The following IMMP2L variants were observed in gnomAD, a reference collection of about 807,000 sequenced individuals.
IMMP2L encodes inner mitochondrial membrane peptidase subunit 2.
IMMP2L carries 18 observed loss-of-function variants against 19.3 expected under a neutral mutation model. The ratio of observed to expected loss-of-function variants is 0.93; its 90% confidence interval spans 0.64 to 1.38. The LOEUF (loss-of-function observed/expected upper bound fraction) is 1.38. Ranked by LOEUF, IMMP2L falls within the 40% of genes most tolerant of loss-of-function variation. The pLI, the probability that IMMP2L is intolerant of heterozygous loss-of-function variation, is 0.00. For missense variants in IMMP2L, 233 were observed against 218.2 expected (o/e 1.07, Z -0.43); for synonymous variants, 76 against 73.0 (o/e 1.04, Z -0.21).
chr7:110,749,351 T>C (rs1385323385), intron 5 of IMMP2L, among the ~76,000 whole-genome samples: 1 of 152,154 alleles, frequency 6.6e-6, no homozygotes, highest in Non-Finnish European at 1.5e-5. Context: ...TCCTCAAGGA[T>C]CTAGAACTAG....
At chr7:111,336,147 A>C (rs1029038096) in intron 3 of IMMP2L, among the ~76,000 whole-genome samples, 1 of 151,870 alleles carries the variant, frequency 6.6e-6, no homozygotes, top group Non-Finnish European at 1.5e-5. Flanking sequence ...ACTCCCAGGA[A>C]GAAATCCTCC....
At chr7:111,352,539 T>A (rs2130900314) in intron 3 of IMMP2L, among the ~76,000 whole-genome samples, 1 of 152,144 alleles carries the variant, frequency 6.6e-6, no homozygotes. Context: ...ACTTACCTCC[T>A]CTCTCTCATG....
chr7:111,088,957 A>G (rs1354247385), intron 3 of IMMP2L, among the ~76,000 whole-genome samples: 1 of 152,192 alleles, frequency 6.6e-6, no homozygotes, highest in Non-Finnish European at 1.5e-5. Context: ...TCTCTTTCAC[A>G]TTAAAATCTC....
At position 111,123,738 on chromosome 7, in the gene IMMP2L, G is replaced by T. The variant is rs748936724; in HGVS notation, c.240-160173C>A. The T allele has an allele frequency of 1.1e-5, 18 of 1,613,798 alleles. No homozygotes were observed. Among genetic ancestry groups the T allele is most frequent in the African/African-American group, 1.3e-5 (1 of 74,876 alleles). ...TAGAAGCTACTAACAACCCTAGATT[G>T]TCTTACATTCACCCCAATGCATTTT... On this transcript the variant is annotated intron_variant, in intron 3 of 5. Transcript: ENST00000405709. This position sits in a 1 kb window ranked among gnomAD's most constrained non-coding sequence, Gnocchi z 6.4.
chr7:111,519,122 A>G (rs2132652151), intron 2 of IMMP2L, among the ~76,000 whole-genome samples: 1 of 152,236 alleles, frequency 6.6e-6, no homozygotes, highest in African/African-American at 2.4e-5. Context: ...GATATTCCAC[A>G]CTGAAATCAA....
intron 4 of IMMP2L, among the ~76,000 whole-genome samples, chr7:110,945,770 A>G (rs879429148): frequency 7.6e-4 from 115 of 150,904 alleles, no homozygotes; most frequent in Non-Finnish European, 7.5e-4. Flanking sequence ...ACTCCTAAAG[A>G]AACAATTAGG....
At chr7:111,222,530 A>T (rs1027580043) in intron 3 of IMMP2L, among the ~76,000 whole-genome samples, 3 of 151,976 alleles carry the variant, frequency 2.0e-5, no homozygotes, top group African/African-American at 7.2e-5. Context: ...AGAAACAAAC[A>T]TTTCACAGAG....
At chr7:111,274,627 T>C (rs900871897) in intron 3 of IMMP2L, among the ~76,000 whole-genome samples, 6 of 152,168 alleles carry the variant, frequency 3.9e-5, no homozygotes, top group African/African-American at 1.4e-4. Context: ...TAAATTACAA[T>C]AGCAGCTTTA....
rs566070385 is a variant in IMMP2L at position 111,002,276 on chromosome 7, T to C, written c.240-38711A>G. On this transcript the variant is annotated intron_variant, in intron 3 of 5. Coordinates refer to ENST00000405709, the MANE Select transcript of IMMP2L (RefSeq NM_032549.4). ...TCCAGCCCAGAGGGATAAGTAAGCC[T>C]GCCTATTACCCAGTCAAAGGTGTAA... Among the ~76,000 whole-genome samples the C allele has an allele frequency of 1.1e-3, 163 of 152,224 alleles. 2 individuals carry two copies. In the South Asian group the frequency reaches 0.012, roughly 11 times the overall value.
At chr7:110,816,092 T>C (rs879469689) in intron 5 of IMMP2L, among the ~76,000 whole-genome samples, 2 of 152,184 alleles carry the variant, frequency 1.3e-5, no homozygotes, top group Non-Finnish European at 2.9e-5. Context: ...TGCTTTCTCT[T>C]GGGGGCATTT....
At position 110,899,788 on chromosome 7, in the gene IMMP2L, G is replaced by T. The variant is rs111296640; in HGVS notation, c.306-13093C>A. 6.0e-3 allele frequency among the ~76,000 whole-genome samples: 913 copies of T among 152,288 alleles called. 7 individuals are homozygous for T. Among genetic ancestry groups the T allele is most frequent in the African/African-American group, 0.021 (885 of 41,568 alleles). ...AAAGGAGTTATGGATCAGAGCACCTGTATGTTTGCTATTAAACATAAAGCT... is the reference window on the plus strand; with the variant it reads ...AAAGGAGTTATGGATCAGAGCACCTTTATGTTTGCTATTAAACATAAAGCT... On this transcript the variant is annotated intron_variant, in intron 4 of 5. Coordinates refer to ENST00000405709, the MANE Select transcript of IMMP2L (RefSeq NM_032549.4).
intron 3 of IMMP2L, among the ~76,000 whole-genome samples, chr7:111,364,878 G>A (rs182766063): frequency 5.3e-5 from 8 of 150,756 alleles, no homozygotes; most frequent in African/African-American, 9.7e-5. Context: ...GCTGAGGCAG[G>A]AGAATCGCTT....
intron 5 of IMMP2L, among the ~76,000 whole-genome samples, chr7:110,859,624 TCTCAGACA>T: frequency 1.3e-5 from 2 of 151,772 alleles, no homozygotes; most frequent in East Asian, 3.9e-4. Flanking sequence ...GTACCTGCAG[TCTCAGACA>T]CTCAGGAGGC....
chr7:111,298,989 T>C (rs756766806), intron 3 of IMMP2L, among the ~76,000 whole-genome samples: 8 of 152,108 alleles, frequency 5.3e-5, no homozygotes, highest in Non-Finnish European at 1.2e-4. Flanking sequence ...CTTGAAGTCA[T>C]AAATGGGAGA....
intron 3 of IMMP2L, among the ~76,000 whole-genome samples, chr7:111,198,939 T>C (rs1291416449): frequency 6.6e-6 from 1 of 152,190 alleles, no homozygotes; most frequent in African/African-American, 2.4e-5. Context: ...TTTTCAGAGA[T>C]ATATACAAAC....
chr7:111,367,128 C>T (rs926942054), intron 3 of IMMP2L, among the ~76,000 whole-genome samples: 3 of 151,490 alleles, frequency 2.0e-5, no homozygotes, highest in Admixed American at 6.6e-5. Flanking sequence ...CTCGGTGACA[C>T]TTGTGGCTGT....
chr7:110,998,227 C>T (rs1823250133), intron 3 of IMMP2L, among the ~76,000 whole-genome samples: 2 of 152,078 alleles, frequency 1.3e-5, no homozygotes, highest in South Asian at 4.1e-4. Flanking sequence ...CGAATGCCTA[C>T]AAAAAGCATG....
chr7:110,848,284 T>A (rs11505730), intron 5 of IMMP2L, among the ~76,000 whole-genome samples: 8,125 of 152,018 alleles, frequency 0.053, 701 homozygotes, highest in African/African-American at 0.18. Context: ...AAAAATATGG[T>A]TGGTAAGCAA....
At chr7:110,855,661 G>A (rs1297336509) in intron 5 of IMMP2L, among the ~76,000 whole-genome samples, 1 of 151,962 alleles carries the variant, frequency 6.6e-6, no homozygotes, top group African/African-American at 2.4e-5. Flanking sequence ...TTTATTCAAT[G>A]TGAATGACAT....
Sources: allele counts gnomAD v4.1 joint callset (sites outside exome capture counted in the v4.1 genomes callset), GRCh38; gene constraint gnomAD v4.1.1; non-coding constraint Gnocchi (gnomAD v3.1); transcripts MANE v1.5; gene names NCBI Gene and HGNC (gene_info 2026-07-23, HGNC 2026-07-21).